Variants in OR3A2 observed in about 807,000 individuals in gnomAD.
The protein encoded by OR3A2 is olfactory receptor family 3 subfamily A member 2, also known as olfactory receptor 3A2.
For synonymous variants in OR3A2, 126 were observed against 159.3 expected (o/e 0.79, Z 1.57); for missense variants, 318 against 392.8 (o/e 0.81, Z 1.61).
chr17:3,316,732 C>G (rs2049084821), intron 3 of OR3A2, among the ~76,000 whole-genome samples: 1 of 152,152 alleles, frequency 6.6e-6, no homozygotes. Context: ...GAGTTAGGCC[C>G]AGTAGCTTTG....
At chr17:3,375,533 C>A (rs901334771) in intron 2 of OR3A2, among the ~76,000 whole-genome samples, 1 of 151,956 alleles carries the variant, frequency 6.6e-6, no homozygotes, top group Non-Finnish European at 1.5e-5. Context: ...AACTCCTCAC[C>A]TCAAGTGATC....
chr17:3,291,691 G>C (rs760005941), intron 3 of OR3A2: 3 of 1,611,154 alleles, frequency 1.9e-6, no homozygotes, highest in African/African-American at 2.7e-5. Flanking sequence ...TGCACATCAG[G>C]GTTTCTGAAG....
chr17:3,329,244 T>C (rs1179891521), intron 3 of OR3A2, among the ~76,000 whole-genome samples: 1 of 151,458 alleles, frequency 6.6e-6, no homozygotes, highest in Non-Finnish European at 1.5e-5. Flanking sequence ...TTAGGGAGGA[T>C]TCCCTCTTTT....
chr17:3,288,246 C>CAAAAAAAAAAAAAAAAA, upstream of OR3A2, among the ~76,000 whole-genome samples: 21 of 73,454 alleles, frequency 2.9e-4, no homozygotes, highest in Non-Finnish European at 4.8e-4. Context: ...ACCAAAAGGG[C>CAAAAAAAAAAAAAAAAA]AAAAAAAAAA....
chr17:3,285,269 C>G (rs1227720600), upstream of OR3A2, among the ~76,000 whole-genome samples: 2 of 152,080 alleles, frequency 1.3e-5, no homozygotes, highest in Non-Finnish European at 2.9e-5. Context: ...TCCTTCTTCT[C>G]CCACCAGGGA....
chr17:3,367,603 A>ATATATAT (rs2049575975), intron 2 of OR3A2, among the ~76,000 whole-genome samples: 4 of 137,418 alleles, frequency 2.9e-5, no homozygotes, highest in African/African-American at 8.7e-5. Context: ...GTGTGTGTGT[A>ATATATAT]TATATATATA....
At chr17:3,283,028 TTCTCTC>T (rs144145836) in intron 1 of OR3A2, among the ~76,000 whole-genome samples, 4 of 150,982 alleles carry the variant, frequency 2.6e-5, no homozygotes, top group South Asian at 2.1e-4. Context: ...TTCTGTCTCT[TTCTCTC>T]TCTCTCTCTC....
chr17:3,282,741 G>T (rs1371462575), intron 1 of OR3A2, among the ~76,000 whole-genome samples: 1 of 152,188 alleles, frequency 6.6e-6, no homozygotes, highest in African/African-American at 2.4e-5. Flanking sequence ...ACAAATCAAA[G>T]GGTGATAGCT....
At chr17:3,278,403 C>T (rs367861957) in exon 2 of OR3A2, 3 of 1,614,144 alleles carry the variant, frequency 1.9e-6, no homozygotes, top group East Asian at 2.2e-5. Flanking sequence ...ATTGGGGCCA[C>T]AGAAGTTGAG....
At chr17:3,321,886 T>C (rs923249195) in intron 3 of OR3A2, among the ~76,000 whole-genome samples, 12 of 152,168 alleles carry the variant, frequency 7.9e-5, no homozygotes, top group South Asian at 2.1e-4. Flanking sequence ...AGGATGATGC[T>C]GGCCTCATCA....
intron 3 of OR3A2, among the ~76,000 whole-genome samples, chr17:3,331,538 G>T (rs2049234388): frequency 6.6e-6 from 1 of 151,520 alleles, no homozygotes; most frequent in African/African-American, 2.4e-5. Flanking sequence ...TCTTCACGTA[G>T]TTCTCGAGCC....
rs761434017 is a variant in OR3A2, at chr17:3,291,628, G to A, written c.-84-12475C>T. 1.9e-6 allele frequency: 3 copies of A among 1,579,164 alleles called. No homozygotes were observed. In the South Asian group the frequency reaches 3.4e-5, roughly 18 times the overall value. On this transcript the variant is annotated intron_variant, in intron 3 of 4. Coordinates refer to the OR3A2 transcript ENST00000573491. Reference sequence around the variant, plus strand: ...GACACAGGGAGAAAGGGTCAATTGAGACCTCCTCAAGCCAGTGACCGCCTC... The same window carrying A: ...GACACAGGGAGAAAGGGTCAATTGAAACCTCCTCAAGCCAGTGACCGCCTC...
chr17:3,322,900 G>C (rs1344100718), intron 3 of OR3A2, among the ~76,000 whole-genome samples: 1 of 152,150 alleles, frequency 6.6e-6, no homozygotes, highest in Non-Finnish European at 1.5e-5. Flanking sequence ...GTTTGGTGCA[G>C]AGCTGAGTTC....
chr17:3,381,320 T>G (rs559763435), intron 2 of OR3A2, among the ~76,000 whole-genome samples: 3,119 of 142,896 alleles, frequency 0.022, 98 homozygotes, highest in African/African-American at 0.076. Flanking sequence ...AACATAGGGT[T>G]TTTTTTTTTT....
chr17:3,334,814 G>C (rs2049265795), intron 3 of OR3A2, among the ~76,000 whole-genome samples: 1 of 152,150 alleles, frequency 6.6e-6, no homozygotes, highest in Non-Finnish European at 1.5e-5. Flanking sequence ...TTAAAAATTA[G>C]AGTTTCTGCC....
At chr17:3,361,600 A>T (rs1470304113) in intron 2 of OR3A2, among the ~76,000 whole-genome samples, 1 of 151,578 alleles carries the variant, frequency 6.6e-6, no homozygotes, top group Non-Finnish European at 1.5e-5. Context: ...ATCAATACCT[A>T]ATTTATTGAG....
intron 1 of OR3A2, 57 bp downstream of exon 4, chr17:3,279,019 C>T (rs1211210297): frequency 7.1e-6 from 11 of 1,542,262 alleles, no homozygotes; most frequent in East Asian, 4.5e-5. Flanking sequence ...AGCCCCGTGG[C>T]GAGTCCCCAG....
intron 2 of OR3A2, among the ~76,000 whole-genome samples, chr17:3,374,847 A>G (rs1020071886): frequency 5.9e-5 from 9 of 152,082 alleles, no homozygotes; most frequent in African/African-American, 1.7e-4. Context: ...GTAGTCTTTT[A>G]TCCCTCACTC....
chr17:3,347,765 T>C (rs1445480623), intron 2 of OR3A2, among the ~76,000 whole-genome samples: 3 of 152,202 alleles, frequency 2.0e-5, no homozygotes. Flanking sequence ...TACCCAGTAA[T>C]GGGATGGCTG....
Sources: allele counts gnomAD v4.1 joint callset (sites outside exome capture counted in the v4.1 genomes callset), GRCh38; gene constraint gnomAD v4.1.1; transcripts MANE v1.5; gene names NCBI Gene and HGNC (gene_info 2026-07-23, HGNC 2026-07-21).